The following DCUN1D5 variants were observed in gnomAD, a reference collection of about 807,000 sequenced individuals.
DCUN1D5 encodes the protein DCN1-like protein 5.
In DCUN1D5, 10 loss-of-function variants were observed where a neutral mutation model predicts 38.3. That is an observed-to-expected ratio of 0.26 (90% CI 0.16 to 0.44). The LOEUF is 0.44. Among genes scored for constraint, DCUN1D5 ranks in the 20% least tolerant of loss-of-function variants. DCUN1D5 has a pLI of 1.00. For missense variants in DCUN1D5, 148 were observed against 275.3 expected (o/e 0.54, Z 3.27); for synonymous variants, 93 against 90.9 (o/e 1.02, Z -0.13).
At chr11:103,081,006 TA>T (rs746448262) in intron 4 of DCUN1D5, among the ~76,000 whole-genome samples, 1,623 of 138,408 alleles carry the variant, frequency 0.012, 8 homozygotes, top group Non-Finnish European at 0.016. Context: ...AGACTCCGTC[TA>T]AAAAAAAAAA....
chr11:103,063,137 CAT>C lies in DCUN1D5; in HGVS notation c.659-725_659-724del, dbSNP rs1862054161. Among the ~76,000 whole-genome samples, 4 of 152,060 alleles carry C rather than the reference CAT, an allele frequency of 2.6e-5. No homozygotes were observed. Among genetic ancestry groups the C allele is most frequent in the Non-Finnish European group, 5.9e-5 (4 of 67,970 alleles). The stretch of plus-strand genomic sequence containing the variant: ...CTATCGTAAGAAAAGCAGCAGAGCA[CAT>C]ATGATAATAAATGGCAACTGAAAAA... On this transcript the variant is annotated intron_variant, in intron 7 of 7. Coordinates refer to ENST00000260247, the MANE Select transcript of DCUN1D5 (RefSeq NM_032299.4). The surrounding 1 kb of genome is among the most constrained non-coding windows in gnomAD (Gnocchi z 4.6).
chr11:103,083,299 C>A lies in DCUN1D5; in HGVS notation c.206G>T (p.Gly69Val). The change falls in exon 3 of 8, where the codon GGA (glycine) becomes GTA (valine). Residue 69 changes from glycine to valine, a missense_variant. Transcript: ENST00000260247. This position sits in a 1 kb window ranked among gnomAD's most constrained non-coding sequence, Gnocchi z 4.4. ...AGPDEVVGPEGMEKFCEDIGV... is the reference protein window; with the variant it reads ...AGPDEVVGPEVMEKFCEDIGV... Reference sequence around the variant, plus strand: ...AATGTCTTCACAAAATTTTTCCATTCCTTCTGGCCCTACAACTTCATCAGG... The same window carrying A: ...AATGTCTTCACAAAATTTTTCCATTACTTCTGGCCCTACAACTTCATCAGG... The A allele has an allele frequency of 6.2e-7, 1 of 1,601,592 alleles. No homozygotes were observed. The highest frequency in any genetic ancestry group is 8.6e-7 in the Non-Finnish European group (1 of 1,169,340).
At chr11:103,081,236 A>G (rs558935701) in intron 4 of DCUN1D5, among the ~76,000 whole-genome samples, 96 of 152,356 alleles carry the variant, frequency 6.3e-4, no homozygotes, top group Middle Eastern at 6.8e-3. Context: ...AGCAGTATTT[A>G]AAGAGGAGGA....
rs992639921 is a variant in DCUN1D5 at position 103,060,401 on chromosome 11, G to A, written c.*1958C>T. On this transcript the variant is annotated 3_prime_UTR_variant, in exon 8 of 8. Coordinates refer to ENST00000260247, the MANE Select transcript of DCUN1D5 (RefSeq NM_032299.4). ...TTGAACTGTGTGGGTCTGCTTATACGCAGATTTTTTTAAACCAAACATGGA... is the reference window on the plus strand; with the variant it reads ...TTGAACTGTGTGGGTCTGCTTATACACAGATTTTTTTAAACCAAACATGGA... Among the ~76,000 whole-genome samples the A allele has an allele frequency of 6.6e-6, 1 of 152,054 alleles. No homozygotes were observed. Among genetic ancestry groups the A allele is most frequent in the Non-Finnish European group, 1.5e-5 (1 of 68,012 alleles).
chr11:103,062,386 C>G lies in DCUN1D5; in HGVS notation c.687G>C (p.Glu229Asp). 1 of 1,613,216 alleles carries G rather than the reference C, an allele frequency of 6.2e-7. No homozygotes were observed. Among genetic ancestry groups the G allele is most frequent in the Non-Finnish European group, 8.5e-7 (1 of 1,179,542 alleles). Residue 229 changes from glutamate to aspartate, a missense_variant, in exon 8 of 8, where the codon GAG (glutamate) becomes GAC (aspartate). By Grantham distance (45) the Glu-to-Asp change is conservative. Transcript: ENST00000260247. This position sits in a 1 kb window ranked among gnomAD's most constrained non-coding sequence, Gnocchi z 4.6. Reference sequence around the variant, plus strand: ...ATGATGTCTGACGGACTTTTTGCCACTCAACAAATTCATCAAGAAGAACAG... The same window carrying G: ...ATGATGTCTGACGGACTTTTTGCCAGTCAACAAATTCATCAAGAAGAACAG... ...AWPVLLDEFV[E>D]WQKVRQTS
chr11:103,074,509 G>A (rs926435164), intron 4 of DCUN1D5, among the ~76,000 whole-genome samples: 4 of 152,118 alleles, frequency 2.6e-5, no homozygotes, highest in African/African-American at 9.7e-5. Flanking sequence ...CGGTTCAAGC[G>A]ATTCTCCTGC....
intron 4 of DCUN1D5, among the ~76,000 whole-genome samples, chr11:103,068,133 C>A (rs1334964900): frequency 1.3e-5 from 2 of 152,060 alleles, no homozygotes; most frequent in African/African-American, 4.8e-5. Flanking sequence ...AAATTTATAA[C>A]ATTTTCTAAT....
rs983817261 is a variant in DCUN1D5, at chr11:103,064,948, A to T, written c.556-571T>A. On this transcript the variant is annotated intron_variant, in intron 6 of 7. Coordinates refer to ENST00000260247, the MANE Select transcript of DCUN1D5 (RefSeq NM_032299.4). This position sits in a 1 kb window ranked among gnomAD's most constrained non-coding sequence, Gnocchi z 4.5. The stretch of plus-strand genomic sequence containing the variant: ...GATTTTTAAAAATATATGCCAAACA[A>T]CCTGCACATAACAAGTGTCTGAAAA... Among the ~76,000 whole-genome samples the T allele has an allele frequency of 6.6e-6, 1 of 152,198 alleles. No homozygotes were observed. Among genetic ancestry groups the T allele is most frequent in the Non-Finnish European group, 1.5e-5 (1 of 68,022 alleles).
rs1422394002 is a variant in DCUN1D5 at position 103,053,253 on chromosome 11, A to G, written c.*9106T>C. ...TATTACTTGGTGCCAACTACACTGT[A>G]AATTGATCATTTAGTCATATTTAGC... On this transcript the variant is annotated 3_prime_UTR_variant, in exon 8 of 8. Transcript: ENST00000260247. This position sits in a 1 kb window ranked among gnomAD's most constrained non-coding sequence, Gnocchi z 4.8. 6.6e-6 allele frequency: 1 copy of G among 152,136 alleles called. No individual in the cohort carries two copies. Among genetic ancestry groups the G allele is most frequent in the Non-Finnish European group, 1.5e-5 (1 of 67,976 alleles). The allele number at this position is 152,136 out of a possible 1,614,324, so 9.4% of individuals were successfully genotyped here. A position where few individuals can be genotyped will look rare whatever the true frequency, so the allele number is the denominator to read the frequency against.
chr11:103,069,954 A>G (rs775046873), intron 4 of DCUN1D5, among the ~76,000 whole-genome samples: 2 of 152,218 alleles, frequency 1.3e-5, no homozygotes, highest in Non-Finnish European at 2.9e-5. Context: ...TTGTCAAACC[A>G]AGATCTCAAA....
chr11:103,071,487 CTATA>C lies in DCUN1D5; in HGVS notation c.342-4924_342-4921del, dbSNP rs1203169078. Among the ~76,000 whole-genome samples the C allele has an allele frequency of 6.7e-6, 1 of 150,116 alleles. No homozygotes were observed. Among genetic ancestry groups the C allele is most frequent in the African/African-American group, 2.4e-5 (1 of 41,000 alleles). ...ATAAAGATTTTTATACAGGTATAAT[CTATA>C]TATAATTTTATATACTCTATATCTA... On this transcript the variant is annotated intron_variant, in intron 4 of 7. Coordinates refer to ENST00000260247, the MANE Select transcript of DCUN1D5 (RefSeq NM_032299.4). This position sits in a 1 kb window ranked among gnomAD's most constrained non-coding sequence, Gnocchi z 4.1.
chr11:103,066,368 T>C lies in DCUN1D5; in HGVS notation c.456A>G (p.Lys152=), dbSNP rs2134604994. The change falls in exon 6 of 8, where the codon AAA becomes AAG. Residue 152 remains lysine (K), a synonymous_variant. Transcript: ENST00000260247. The surrounding 1 kb of genome is among the most constrained non-coding windows in gnomAD (Gnocchi z 4.7). ...YRYAFDFARD[K]DQRSLDIDTA... ...TATCAATATCAAGGCTTCTCTGATC[T>C]TTATCCTAAAATATAAGTGAAAAAG... 1.2e-6 allele frequency: 2 copies of C among 1,607,872 alleles called. No homozygotes were observed. Among genetic ancestry groups the C allele is most frequent in the Non-Finnish European group, 1.7e-6 (2 of 1,177,764 alleles).
At position 103,056,979 on chromosome 11, in the gene DCUN1D5, T is replaced by C. The variant is rs1861890883; in HGVS notation, c.*5380A>G. ...TTTACAGAAGAAACTGAAAATGACATAGGTTAAGTGGCTTGTTTAAAAGTG... is the reference window on the plus strand; with the variant it reads ...TTTACAGAAGAAACTGAAAATGACACAGGTTAAGTGGCTTGTTTAAAAGTG... On this transcript the variant is annotated 3_prime_UTR_variant, in exon 8 of 8. Coordinates refer to ENST00000260247, the MANE Select transcript of DCUN1D5 (RefSeq NM_032299.4). The surrounding 1 kb of genome is among the most constrained non-coding windows in gnomAD (Gnocchi z 4.9). Among the ~76,000 whole-genome samples the C allele has an allele frequency of 6.6e-6, 1 of 152,114 alleles. No individual in the cohort carries two copies. Among genetic ancestry groups the C allele is most frequent in the Admixed American group, 6.5e-5 (1 of 15,278 alleles).
Position 103,058,768 on chromosome 11 carries a change from T to A in DCUN1D5, c.*3591A>T, listed in dbSNP as rs190385900. Reference sequence around the variant, plus strand: ...CCTCTTTCTCCTGAAAAAAAAATGATCCTTTCTTTGAAATGTTTCCTTGTG... The same window carrying A: ...CCTCTTTCTCCTGAAAAAAAAATGAACCTTTCTTTGAAATGTTTCCTTGTG... On this transcript the variant is annotated 3_prime_UTR_variant, in exon 8 of 8. Coordinates refer to ENST00000260247, the MANE Select transcript of DCUN1D5 (RefSeq NM_032299.4). 2.2e-4 allele frequency among the ~76,000 whole-genome samples: 33 copies of A among 152,184 alleles called. No individual in the cohort carries two copies. The highest frequency in any genetic ancestry group is 1.9e-3 in the Admixed American group (29 of 15,286).
At position 103,087,325 on chromosome 11, in the gene DCUN1D5, C is replaced by CA. The variant is rs1368246605; in HGVS notation, c.178+1901dup. Reference sequence around the variant, plus strand: ...AGCTGGGACTACAGGCGCACACCACCACGCCCGGCTAATTGTTTGTGTTTT... The same window carrying CA: ...AGCTGGGACTACAGGCGCACACCACCAACGCCCGGCTAATTGTTTGTGTTTT... On this transcript the variant is annotated intron_variant, in intron 2 of 7. Coordinates refer to ENST00000260247, the MANE Select transcript of DCUN1D5 (RefSeq NM_032299.4). This position sits in a 1 kb window ranked among gnomAD's most constrained non-coding sequence, Gnocchi z 4.1. Among the ~76,000 whole-genome samples the CA allele has an allele frequency of 6.6e-6, 1 of 151,996 alleles. No individual in the cohort carries two copies. The highest frequency in any genetic ancestry group is 1.5e-5 in the Non-Finnish European group (1 of 67,986).
intron 4 of DCUN1D5, among the ~76,000 whole-genome samples, chr11:103,079,315 C>A (rs139964790): frequency 6.7e-4 from 102 of 152,262 alleles, no homozygotes; most frequent in African/African-American, 2.4e-3. Context: ...GTAATGTTTT[C>A]CCTGACCTAG....
In DCUN1D5 at chr11:103,086,405, T is replaced by C. The variant is rs1273329006; in HGVS notation, c.178+2822A>G. Among the ~76,000 whole-genome samples, 1 of 152,244 alleles carries C rather than the reference T, an allele frequency of 6.6e-6. No individual in the cohort carries two copies. Among genetic ancestry groups the C allele is most frequent in the East Asian group, 1.9e-4 (1 of 5,208 alleles). On this transcript the variant is annotated intron_variant, in intron 2 of 7. Coordinates refer to ENST00000260247, the MANE Select transcript of DCUN1D5 (RefSeq NM_032299.4). The surrounding 1 kb of genome is among the most constrained non-coding windows in gnomAD (Gnocchi z 4.1). ...GGCAAAATTATTGGCTTCATTTTAA[T>C]ACGGACATACCCATTTCAAGACAGA... is the stretch of plus-strand genomic sequence containing the variant.
At position 103,054,449 on chromosome 11, in the gene DCUN1D5, G is replaced by A. The variant is rs1861823314; in HGVS notation, c.*7910C>T. The A allele has an allele frequency of 6.6e-6, 1 of 152,056 alleles. No individual in the cohort carries two copies. The highest frequency in any genetic ancestry group is 2.4e-5 in the African/African-American group (1 of 41,404). 9.4% of individuals were successfully genotyped at this position (152,056 alleles called of 1,614,324 possible). ...AACACTGTAAACTGAATTGTGTGAT[G>A]GGCACTTGGAGGCACCAAAAATAAG... On this transcript the variant is annotated 3_prime_UTR_variant, in exon 8 of 8. Transcript: ENST00000260247.
Position 103,091,782 on chromosome 11 carries a change from G to A in DCUN1D5, c.86+5C>T, listed in dbSNP as rs773870192. ...GGAAGCTTGAAGGGTGGGGGGAGAT[G>A]GTACCTGGAGATTTTACACTTTTTG... On this transcript the variant is annotated splice_donor_5th_base_variant and intron_variant, in intron 1 of 7. Transcript: ENST00000260247. The surrounding 1 kb of genome is among the most constrained non-coding windows in gnomAD (Gnocchi z 4.3). 2 of 1,614,076 alleles carry A rather than the reference G, an allele frequency of 1.2e-6. No individual in the cohort carries two copies. The highest frequency in any genetic ancestry group is 1.1e-5 in the South Asian group (1 of 91,076).
Sources: gnomAD v4.1 joint callset for allele counts (sites outside exome capture counted in the v4.1 genomes callset) on GRCh38, gnomAD v4.1.1 for gene constraint, Gnocchi (gnomAD v3.1) non-coding constraint, MANE v1.5 for transcripts, NCBI Gene and HGNC (gene_info 2026-07-23, HGNC 2026-07-21) for gene names.